Variants in GABBR2 observed in about 807,000 individuals in gnomAD.
The protein encoded by GABBR2 is G-protein coupled receptor 51.
In GABBR2, 23 loss-of-function variants were observed where a neutral mutation model predicts 105.6. That is an observed-to-expected ratio of 0.22 (90% CI 0.16 to 0.31). The LOEUF (loss-of-function observed/expected upper bound fraction) is 0.31. Among genes scored for constraint, GABBR2 ranks in the 10% least tolerant of loss-of-function variants. GABBR2 has a pLI of 1.00. For missense variants in GABBR2, 734 were observed against 1,245.5 expected (o/e 0.59, Z 6.18); for synonymous variants, 478 against 499.7 (o/e 0.96, Z 0.58).
At chr9:98,563,304 G>A (rs956885481) in intron 2 of GABBR2, among the ~76,000 whole-genome samples, 2 of 152,094 alleles carry the variant, frequency 1.3e-5, no homozygotes, top group South Asian at 2.1e-4. Flanking sequence ...AGGTTCCCCC[G>A]GCAAACAAAG....
chr9:98,695,556 C>T (rs1021427356), intron 1 of GABBR2, among the ~76,000 whole-genome samples: 36 of 152,188 alleles, frequency 2.4e-4, no homozygotes, highest in African/African-American at 8.2e-4. Context: ...ACACAGTCCC[C>T]CACTGAAATA....
chr9:98,514,558 C>G (rs955162427), intron 3 of GABBR2, among the ~76,000 whole-genome samples: 7 of 146,930 alleles, frequency 4.8e-5, no homozygotes, highest in African/African-American at 1.8e-4. Flanking sequence ...GACAAAAAAA[C>G]AAACACAGCA....
chr9:98,625,385 T>A (rs940946963), intron 1 of GABBR2, among the ~76,000 whole-genome samples: 2 of 152,210 alleles, frequency 1.3e-5, no homozygotes, highest in South Asian at 2.1e-4. Flanking sequence ...CCTGTCCTCA[T>A]ACCCAGCGTG....
At position 98,447,763 on chromosome 9, in the gene GABBR2, A is replaced by G. The variant is rs184662723; in HGVS notation, c.1236+6218T>C. On this transcript the variant is annotated intron_variant, in intron 7 of 18. Transcript: ENST00000259455. ...TTAGAGTACTTGGAATTCCAGCCAA[A>G]CTGAGTTTAACTCTATGATGTCCTC... Among the ~76,000 whole-genome samples, 9 of 151,344 alleles carry G rather than the reference A, an allele frequency of 5.9e-5. No individual in the cohort carries two copies. The East Asian group carries it at 1.8e-3, about 29-fold the overall frequency.
chr9:98,691,838 C>T (rs1193957927), intron 1 of GABBR2, among the ~76,000 whole-genome samples: 1 of 152,234 alleles, frequency 6.6e-6, no homozygotes, highest in African/African-American at 2.4e-5. Context: ...AAAGGCCCTT[C>T]CAGGTTCCAC....
intron 3 of GABBR2, among the ~76,000 whole-genome samples, chr9:98,520,053 G>A (rs1455071788): frequency 6.6e-6 from 1 of 152,190 alleles, no homozygotes; most frequent in Non-Finnish European, 1.5e-5. Flanking sequence ...CCTTGGGTGA[G>A]TAAGGAAACT....
chr9:98,569,822 G>C (rs1828802519), intron 2 of GABBR2, among the ~76,000 whole-genome samples: 1 of 152,146 alleles, frequency 6.6e-6, no homozygotes, highest in African/African-American at 2.4e-5. Flanking sequence ...ACAAGCCACA[G>C]CTAAGCAACA....
At chr9:98,688,674 C>A (rs1308053682) in intron 1 of GABBR2, among the ~76,000 whole-genome samples, 3 of 152,112 alleles carry the variant, frequency 2.0e-5, no homozygotes, top group Non-Finnish European at 4.4e-5. Context: ...TAAATGAACC[C>A]AGGGTGACCC....
chr9:98,435,055 A>G (rs2131578337), intron 7 of GABBR2, among the ~76,000 whole-genome samples: 1 of 152,346 alleles, frequency 6.6e-6, no homozygotes, highest in African/African-American at 2.4e-5. Context: ...CTAAAGGGCC[A>G]GGCTCAGAGC....
At chr9:98,544,872 G>T (rs538252576) in intron 2 of GABBR2, among the ~76,000 whole-genome samples, 1 of 152,314 alleles carries the variant, frequency 6.6e-6, no homozygotes, top group East Asian at 1.9e-4. Flanking sequence ...CCCGTAGTGA[G>T]TGCGGGAAAT....
At chr9:98,569,421 A>G (rs1828795956) in intron 2 of GABBR2, among the ~76,000 whole-genome samples, 1 of 152,230 alleles carries the variant, frequency 6.6e-6, no homozygotes, top group Admixed American at 6.5e-5. Context: ...CCTGTTGTCC[A>G]TGCAAAGCTT....
intron 2 of GABBR2, among the ~76,000 whole-genome samples, chr9:98,566,056 C>T (rs1371557035): frequency 6.6e-6 from 1 of 152,206 alleles, no homozygotes; most frequent in Non-Finnish European, 1.5e-5. Context: ...GCCTCAGAAT[C>T]ACCCAGGGTG....
intron 1 of GABBR2, chr9:98,606,910 T>C: frequency 3.1e-6 from 2 of 637,622 alleles, no homozygotes; most frequent in South Asian, 3.4e-5. Flanking sequence ...CATGAATTCC[T>C]AGGCATTCAG....
At chr9:98,348,099 A>G (rs1271195142) in intron 13 of GABBR2, among the ~76,000 whole-genome samples, 2 of 152,138 alleles carry the variant, frequency 1.3e-5, no homozygotes, top group African/African-American at 4.8e-5. Flanking sequence ...GTGTGTCTTT[A>G]TTAGCAGTGT....
At chr9:98,409,077 G>T (rs1362927227) in intron 7 of GABBR2, among the ~76,000 whole-genome samples, 2 of 152,262 alleles carry the variant, frequency 1.3e-5, no homozygotes, top group African/African-American at 4.8e-5. Context: ...AGTCCCTCAG[G>T]TGGGGAAGAG....
At chr9:98,377,992 A>G (rs527821014) in intron 11 of GABBR2, among the ~76,000 whole-genome samples, 13 of 152,352 alleles carry the variant, frequency 8.5e-5, no homozygotes, top group African/African-American at 3.1e-4. Context: ...ATGGCCAGCC[A>G]TGACAGCCAC....
chr9:98,564,389 G>C (rs1443951705), intron 2 of GABBR2, among the ~76,000 whole-genome samples: 1 of 152,196 alleles, frequency 6.6e-6, no homozygotes, highest in Non-Finnish European at 1.5e-5. Flanking sequence ...GACAACGCCT[G>C]CTCTTCAACC....
chr9:98,618,836 C>A (rs977069689), intron 1 of GABBR2, among the ~76,000 whole-genome samples: 1 of 152,076 alleles, frequency 6.6e-6, no homozygotes, highest in Non-Finnish European at 1.5e-5. Context: ...AGTGAGGCAC[C>A]AGTGTGACTG....
intron 7 of GABBR2, among the ~76,000 whole-genome samples, chr9:98,418,359 G>C (rs1274064275): frequency 6.6e-6 from 1 of 152,018 alleles, no homozygotes; most frequent in African/African-American, 2.4e-5. Context: ...AACATAGCGA[G>C]ACCCCGTCCC....
Sources: allele counts gnomAD v4.1 joint callset (sites outside exome capture counted in the v4.1 genomes callset), GRCh38; gene constraint gnomAD v4.1.1; transcripts MANE v1.5; gene names NCBI Gene and HGNC (gene_info 2026-07-23, HGNC 2026-07-21).